BMPR1B: variants seen among roughly 807,000 people sequenced by gnomAD.
The protein encoded by BMPR1B is bone morphogenetic protein receptor type-1B.
A neutral mutation model predicts 59.1 loss-of-function variants in BMPR1B; 12 were observed. That is an observed-to-expected ratio of 0.20 (90% CI 0.13 to 0.33). The LOEUF is 0.33. BMPR1B is among the 10% of genes least tolerant of loss of function. BMPR1B has a pLI of 1.00. For missense variants in BMPR1B, 550 were observed against 610.9 expected, an observed-to-expected ratio of 0.90 and a Z score of 1.05; for synonymous variants, 237 against 207.3, an observed-to-expected ratio of 1.14 and a Z score of -1.23.
intron 2 of BMPR1B, among the ~76,000 whole-genome samples, chr4:94,909,185 G>C (rs142603986): frequency 6.6e-6 from 1 of 151,936 alleles, no homozygotes; most frequent in Non-Finnish European, 1.5e-5. Flanking sequence ...TTCTAATCCA[G>C]TATGACCTCA....
chr4:94,975,352 C>CTTTT (rs1730981877), intron 2 of BMPR1B, among the ~76,000 whole-genome samples: 1 of 130,120 alleles, frequency 7.7e-6, no homozygotes, highest in Non-Finnish European at 1.6e-5. Flanking sequence ...TCTTAATTTC[C>CTTTT]TTTTGTTTTT....
At chr4:95,057,780 G>C (rs1727042245) in intron 3 of BMPR1B, among the ~76,000 whole-genome samples, 1 of 152,046 alleles carries the variant, frequency 6.6e-6, no homozygotes, top group Admixed American at 6.5e-5. Context: ...GGACTCTTTT[G>C]TTTGTAGTGA....
intron 3 of BMPR1B, among the ~76,000 whole-genome samples, chr4:95,078,831 C>T (rs539233196): frequency 2.1e-4 from 32 of 152,240 alleles, no homozygotes; most frequent in Middle Eastern, 3.4e-3. Context: ...AATCACAGCT[C>T]GCTGCAGCCT....
intron 2 of BMPR1B, among the ~76,000 whole-genome samples, chr4:94,984,161 A>T (rs1246535350): frequency 6.6e-6 from 1 of 152,220 alleles, no homozygotes; most frequent in Non-Finnish European, 1.5e-5. Context: ...AAGTCTGTGC[A>T]CTGACTTCCA....
intron 1 of BMPR1B, among the ~76,000 whole-genome samples, chr4:94,783,693 A>T (rs1722663609): frequency 6.6e-6 from 1 of 152,126 alleles, no homozygotes; most frequent in Non-Finnish European, 1.5e-5. Flanking sequence ...GAAACTTTGC[A>T]CTATGAATGA....
chr4:94,931,347 T>C (rs968193617), intron 2 of BMPR1B, among the ~76,000 whole-genome samples: 10 of 152,174 alleles, frequency 6.6e-5, no homozygotes, highest in African/African-American at 2.4e-4. Flanking sequence ...ACAAATGTTA[T>C]ACACGTCGTG....
At chr4:94,884,152 A>G (rs909123171) in intron 2 of BMPR1B, among the ~76,000 whole-genome samples, 9 of 152,178 alleles carry the variant, frequency 5.9e-5, no homozygotes, top group East Asian at 1.9e-4. Flanking sequence ...AACTTCCTCA[A>G]TTGAAAGCCT....
chr4:94,919,529 C>T (rs938736787), intron 2 of BMPR1B, among the ~76,000 whole-genome samples: 2 of 151,452 alleles, frequency 1.3e-5, no homozygotes, highest in African/African-American at 2.4e-5. Flanking sequence ...CTCATTACTA[C>T]CCCCTTTATC....
At chr4:94,993,370 C>T (rs900092451) in intron 2 of BMPR1B, among the ~76,000 whole-genome samples, 1 of 152,168 alleles carries the variant, frequency 6.6e-6, no homozygotes, top group Non-Finnish European at 1.5e-5. Context: ...GAAAAGCACA[C>T]CCTTATCCAT....
chr4:95,055,536 A>G (rs1467792111), intron 3 of BMPR1B, among the ~76,000 whole-genome samples: 2 of 152,172 alleles, frequency 1.3e-5, no homozygotes, highest in East Asian at 1.9e-4. Flanking sequence ...TACTACAGCT[A>G]TTTTGTGGCA....
At chr4:95,033,057 C>T (rs1039446255) in intron 3 of BMPR1B, among the ~76,000 whole-genome samples, 1 of 152,082 alleles carries the variant, frequency 6.6e-6, no homozygotes, top group Non-Finnish European at 1.5e-5. Context: ...TTTGCATTTA[C>T]CTAGTTATTA....
chr4:94,864,236 C>T lies in BMPR1B; in HGVS notation c.-182-11595C>T, dbSNP rs10018640. ...ACTGGGATTCAGTCTTCAGAAGACC[C>T]TTCGTCTGTGCCAGAACCCCAGAAT... On this transcript the variant is annotated intron_variant, in intron 1 of 12. Coordinates refer to ENST00000515059, the MANE Select transcript of BMPR1B (RefSeq NM_001203.3). Among the ~76,000 whole-genome samples the T allele has an allele frequency of 7.5e-3, 1,137 of 152,216 alleles. 17 individuals carry two copies. Among genetic ancestry groups the T allele is most frequent in the African/African-American group, 0.026 (1,090 of 41,516 alleles).
chr4:94,937,695 T>C (rs948545960), intron 2 of BMPR1B, among the ~76,000 whole-genome samples: 3 of 139,832 alleles, frequency 2.1e-5, no homozygotes, highest in Non-Finnish European at 4.5e-5. Flanking sequence ...TTAAATTTTA[T>C]GTATATGTAT....
chr4:95,138,991 T>C (rs927354757), intron 10 of BMPR1B, among the ~76,000 whole-genome samples: 4 of 152,186 alleles, frequency 2.6e-5, no homozygotes, highest in African/African-American at 7.2e-5. Context: ...GAAGAGGTGC[T>C]CGATTTTTAG....
chr4:95,139,635 C>G (rs1034440846), intron 10 of BMPR1B, among the ~76,000 whole-genome samples: 1 of 152,212 alleles, frequency 6.6e-6, no homozygotes, highest in Admixed American at 6.5e-5. Flanking sequence ...CCCTCAGCCT[C>G]GCTGCCGCCT....
chr4:94,999,765 C>CT (rs1722312803), intron 3 of BMPR1B, among the ~76,000 whole-genome samples: 1 of 152,136 alleles, frequency 6.6e-6, no homozygotes, highest in Non-Finnish European at 1.5e-5. Context: ...CCCAGTATTA[C>CT]TAGTAAACCT....
chr4:95,058,048 C>T (rs1235934140), intron 3 of BMPR1B, among the ~76,000 whole-genome samples: 1 of 152,110 alleles, frequency 6.6e-6, no homozygotes, highest in Non-Finnish European at 1.5e-5. Flanking sequence ...ATGTGTGAAA[C>T]AAGTAGTGTA....
At chr4:95,054,649 T>C (rs1237220434) in intron 3 of BMPR1B, among the ~76,000 whole-genome samples, 3 of 152,164 alleles carry the variant, frequency 2.0e-5, no homozygotes, top group South Asian at 2.1e-4. Context: ...ATAATGAATA[T>C]AGTGCAATGT....
chr4:94,872,743 G>C (rs2522532), intron 1 of BMPR1B, among the ~76,000 whole-genome samples: 2,681 of 152,224 alleles, frequency 0.018, 37 homozygotes, highest in Non-Finnish European at 0.026. Flanking sequence ...CCAATTTCAA[G>C]TGTTTAATAT....
Sources: gnomAD v4.1 joint callset for allele counts (sites outside exome capture counted in the v4.1 genomes callset) on GRCh38, gnomAD v4.1.1 for gene constraint, MANE v1.5 for transcripts, NCBI Gene and HGNC (gene_info 2026-07-23, HGNC 2026-07-21) for gene names.